RIMBP2: variants seen among roughly 807,000 people sequenced by gnomAD.
The protein encoded by RIMBP2 is RIMS binding protein 2.
A neutral mutation model predicts 118.6 loss-of-function variants in RIMBP2; 48 were observed. The ratio of observed to expected loss-of-function variants is 0.40; its 90% CI spans 0.32 to 0.51. The LOEUF (loss-of-function observed/expected upper bound fraction) is 0.51, where lower values mean the gene tolerates loss of function less well. Among genes scored for constraint, RIMBP2 ranks in the 20% least tolerant of loss-of-function variants. RIMBP2 has a pLI of 0.41. For synonymous variants in RIMBP2, 762 were observed against 742.9 expected (o/e 1.03, Z -0.42); for missense variants, 1,551 against 1,768.3 (o/e 0.88, Z 2.20).
rs141597712 is a variant in RIMBP2, at chr12:130,592,090, C to T, written c.-217+36232G>A. Among the ~76,000 whole-genome samples the T allele has an allele frequency of 5.3e-5, 8 of 152,240 alleles. No homozygotes were observed. The South Asian group carries it at 1.0e-3, about 20-fold the overall frequency. On this transcript the variant is annotated intron_variant, in intron 2 of 22. Transcript: ENST00000690449. ...GGGTGTCCACAGCCCTTCTTCCTCC[C>T]GAGAGGTAAGAAACGGACAGCTGTT...
intron 2 of RIMBP2, among the ~76,000 whole-genome samples, chr12:130,560,302 T>G (rs1245443071): frequency 6.6e-6 from 1 of 152,044 alleles, no homozygotes; most frequent in Non-Finnish European, 1.5e-5. Flanking sequence ...CAGATTTAAT[T>G]TGGGGGGAGG....
intron 1 of RIMBP2, among the ~76,000 whole-genome samples, chr12:130,629,971 C>G (rs1265949759): frequency 2.7e-5 from 2 of 74,150 alleles, no homozygotes; most frequent in African/African-American, 7.3e-5. Flanking sequence ...ACCAATCAAG[C>G]TTTAAAAAAA....
chr12:130,503,116 G>C (rs2049957094), intron 4 of RIMBP2, among the ~76,000 whole-genome samples: 3 of 152,086 alleles, frequency 2.0e-5, no homozygotes, highest in Admixed American at 6.5e-5. Context: ...ACACAGCTGG[G>C]CATGGTGGCT....
intron 2 of RIMBP2, among the ~76,000 whole-genome samples, chr12:130,522,641 G>A (rs1327837985): frequency 2.0e-5 from 3 of 152,238 alleles, no homozygotes; most frequent in African/African-American, 7.2e-5. Flanking sequence ...CTTGTGCAGA[G>A]TCCAAGTGCA....
chr12:130,426,934 G>A (rs974966457), intron 15 of RIMBP2: 1 of 152,288 alleles, frequency 6.6e-6, no homozygotes, highest in East Asian at 1.9e-4. Context: ...AGGGGTCGTG[G>A]GGTCAGACTG....
chr12:130,520,943 C>G (rs1275135317), intron 2 of RIMBP2, among the ~76,000 whole-genome samples: 2 of 152,186 alleles, frequency 1.3e-5, no homozygotes, highest in East Asian at 3.9e-4. Flanking sequence ...CCTGAAGAAG[C>G]CCAGAGGTGG....
chr12:130,406,003 T>C (rs2075136706), intron 21 of RIMBP2, among the ~76,000 whole-genome samples, 169 bp downstream of exon 21: 1 of 152,220 alleles, frequency 6.6e-6, no homozygotes, highest in South Asian at 2.1e-4. Flanking sequence ...TTCTAGATTA[T>C]CTATAACTCA....
rs2076479226 is a variant in RIMBP2, at chr12:130,422,469, C to T, written c.3222G>A (p.Val1074=). The stretch of plus-strand genomic sequence containing the variant: ...GCCACTAACCGATGGATGGGACTGT[C>T]ACGGGCCGGGACCTCTGAGGACCAG... ...GSAGPQRSRP[V]TVPSIDDYGR... The change falls in exon 17 of 23, where the codon GTG becomes GTA. Residue 1074 remains valine, a synonymous_variant. Transcript: ENST00000690449. This position sits in a 1 kb window ranked among gnomAD's most constrained non-coding sequence, Gnocchi z 5.2. The T allele has an allele frequency of 6.2e-7, 1 of 1,611,440 alleles. No homozygotes were observed. The highest frequency in any genetic ancestry group is 1.3e-5 in the African/African-American group (1 of 74,898).
Position 130,424,596 on chromosome 12 carries a change from C to G in RIMBP2, c.2675G>C (p.Gly892Ala), listed in dbSNP as rs989233139. The G allele has an allele frequency of 2.4e-6, 3 of 1,231,816 alleles. No homozygotes were observed. In the African/African-American group the frequency reaches 4.7e-5, roughly 19 times the overall value. 76.3% of individuals were successfully genotyped at this position (1,231,816 alleles called of 1,614,324 possible). The change falls in exon 16 of 23, where the codon GGG becomes GCG. Residue 892 changes from glycine to alanine, a missense_variant. Gly to Ala is a moderately conservative substitution (Grantham distance 60). This residue lies in a region of RIMBP2 where 1,038 missense variants were observed against 1,125.1 expected (regional missense o/e 0.92). Transcript: ENST00000690449. This position sits in a 1 kb window ranked among gnomAD's most constrained non-coding sequence, Gnocchi z 9.8. ...GAAGTCCTCCACGTGGGGGACGGCC[C>G]CCGAGCCCCTGTGCTTCACCGGGAA... ...SWFPVKHRGS[G>A]AVPHVEDFLL...
chr12:130,657,267 G>A (rs952225564), intron 1 of RIMBP2, among the ~76,000 whole-genome samples: 1 of 152,112 alleles, frequency 6.6e-6, no homozygotes, highest in African/African-American at 2.4e-5. Context: ...TCTTAACTTT[G>A]CCCATCTGCA....
chr12:130,596,339 C>G (rs948286297), intron 2 of RIMBP2, among the ~76,000 whole-genome samples: 1 of 152,176 alleles, frequency 6.6e-6, no homozygotes, highest in Non-Finnish European at 1.5e-5. Flanking sequence ...TCTCCTCATA[C>G]GATGCTGACA....
rs1328995795 is a variant in RIMBP2 at position 130,511,093 on chromosome 12, G to A, written c.-126-4323C>T. ...CATGGAGCATCCTGAGAGTGGGAGA[G>A]CACCGGGGTTATCCAGATGGGCTCT... On this transcript the variant is annotated intron_variant, in intron 3 of 22. Transcript: ENST00000690449. The surrounding 1 kb of genome is among the most constrained non-coding windows in gnomAD (Gnocchi z 4.3). Among the ~76,000 whole-genome samples the A allele has an allele frequency of 4.6e-5, 7 of 152,156 alleles. No homozygotes were observed. Among genetic ancestry groups the A allele is most frequent in the Non-Finnish European group, 8.8e-5 (6 of 68,034 alleles).
chr12:130,527,550 T>C (rs1372959858), intron 2 of RIMBP2, among the ~76,000 whole-genome samples: 7 of 152,216 alleles, frequency 4.6e-5, no homozygotes, highest in Admixed American at 4.6e-4. Context: ...ATATAATACA[T>C]GAAGCAGATT....
intron 17 of RIMBP2, among the ~76,000 whole-genome samples, chr12:130,415,811 ACT>A (rs1477739455): frequency 2.6e-5 from 4 of 152,182 alleles, no homozygotes; most frequent in Non-Finnish European, 5.9e-5. Context: ...AACCCTGAAG[ACT>A]CTGCTAAAAG....
In RIMBP2 at chr12:130,540,484, C is replaced by T. The variant is rs564331293; in HGVS notation, c.-216-22567G>A. Among the ~76,000 whole-genome samples the T allele has an allele frequency of 5.3e-5, 8 of 152,254 alleles. No individual in the cohort carries two copies. The East Asian group carries it at 1.5e-3, about 29-fold the overall frequency. On this transcript the variant is annotated intron_variant, in intron 2 of 22. Coordinates refer to ENST00000690449, the MANE Select transcript of RIMBP2 (RefSeq NM_001393629.1). ...TGAAACTTGAGAAAGTTGCATTTGTCTTATCTGAGTTTCTTTCTCAGGAAA... is the reference window on the plus strand; with the variant it reads ...TGAAACTTGAGAAAGTTGCATTTGTTTTATCTGAGTTTCTTTCTCAGGAAA...
chr12:130,490,418 T>C (rs4759477), intron 4 of RIMBP2, among the ~76,000 whole-genome samples: 150,372 of 152,276 alleles, frequency 0.99, 74,274 homozygotes, highest in East Asian at 1. Context: ...ATTTTCCTAT[T>C]AAAAAATAAA....
chr12:130,407,916 C>A (rs2075327846), intron 19 of RIMBP2, 87 bp from the exon 20 acceptor site: 2 of 1,199,726 alleles, frequency 1.7e-6, no homozygotes, highest in South Asian at 1.2e-5. Context: ...CACACATGGC[C>A]AATACAGCCG....
rs117851554 is a variant in RIMBP2, at chr12:130,672,562, T to C, written c.-352+43660A>G. 1.1e-4 allele frequency among the ~76,000 whole-genome samples: 17 copies of C among 152,318 alleles called. No homozygotes were observed. In the East Asian group the frequency reaches 3.3e-3, roughly 29 times the overall value. On this transcript the variant is annotated intron_variant, in intron 1 of 22. Coordinates refer to ENST00000690449, the MANE Select transcript of RIMBP2 (RefSeq NM_001393629.1). ...GCCTCACAGCATCTCTATGTGCAGA[T>C]GAGAACTGGAAGCAGCACGTGGGCA...
chr12:130,641,353 G>T (rs549182869), intron 1 of RIMBP2, among the ~76,000 whole-genome samples: 1 of 144,498 alleles, frequency 6.9e-6, no homozygotes, highest in East Asian at 2.1e-4. Context: ...GTGACTGCCG[G>T]ACACTCGGCC....
Sources: gnomAD v4.1 joint callset for allele counts (sites outside exome capture counted in the v4.1 genomes callset) on GRCh38, gnomAD v4.1.1 for gene constraint, gnomAD v4.1.1 regional missense constraint, Gnocchi (gnomAD v3.1) non-coding constraint, MANE v1.5 for transcripts, NCBI Gene and HGNC (gene_info 2026-07-23, HGNC 2026-07-21) for gene names.